Variants in JARID2 observed in about 807,000 individuals in gnomAD.
The protein encoded by JARID2 is jumonji and AT-rich interaction domain containing 2, also known as protein Jumonji.
In JARID2, 21 loss-of-function variants were observed where a neutral mutation model predicts 125.6. That is an observed-to-expected ratio of 0.17 (90% confidence interval 0.12 to 0.24). The LOEUF (loss-of-function observed/expected upper bound fraction) is 0.24, where lower values mean the gene tolerates loss of function less well. Ranked by LOEUF, JARID2 falls within the 10% of genes least tolerant of loss-of-function variation. The probability of loss-of-function intolerance (pLI) is 1.00; values close to 1 mark genes in which losing one functional copy is unlikely to be tolerated. For synonymous variants in JARID2, 736 were observed against 661.6 expected, an observed-to-expected ratio of 1.11 and a Z score of -1.73; for missense variants, 1,303 against 1,639.6, an observed-to-expected ratio of 0.79 and a Z score of 3.55.
intron 2 of JARID2, among the ~76,000 whole-genome samples, chr6:15,381,613 C>G (rs1038698897): frequency 6.6e-6 from 1 of 152,150 alleles, no homozygotes; most frequent in Admixed American, 6.5e-5. Context: ...AAGGAAGCTA[C>G]ATTTGTTGTG....
At chr6:15,438,175 A>C (rs1390932676) in intron 3 of JARID2, among the ~76,000 whole-genome samples, 3 of 152,176 alleles carry the variant, frequency 2.0e-5, no homozygotes, top group African/African-American at 7.2e-5. Context: ...AAGCCTCAGC[A>C]ACCCTTCCCA....
At chr6:15,389,924 G>A (rs1298350531) in intron 2 of JARID2, among the ~76,000 whole-genome samples, 1 of 152,192 alleles carries the variant, frequency 6.6e-6, no homozygotes, top group African/African-American at 2.4e-5. Context: ...GTGTAGTGCA[G>A]CAATTTACAG....
intron 5 of JARID2, among the ~76,000 whole-genome samples, chr6:15,469,950 G>A (rs1421285478): frequency 2.0e-5 from 3 of 151,988 alleles, no homozygotes; most frequent in Admixed American, 6.6e-5. Context: ...AGGCTGAGGT[G>A]GGCAGATCAC....
At chr6:15,335,092 T>G (rs917121283) in intron 1 of JARID2, among the ~76,000 whole-genome samples, 4 of 152,126 alleles carry the variant, frequency 2.6e-5, no homozygotes, top group African/African-American at 9.7e-5. Context: ...CCCTCTTTTT[T>G]TTTCTTTTTT....
At chr6:15,483,131 C>T (rs1340203016) in intron 5 of JARID2, among the ~76,000 whole-genome samples, 1 of 152,178 alleles carries the variant, frequency 6.6e-6, no homozygotes, top group Non-Finnish European at 1.5e-5. Flanking sequence ...CTACAAATAA[C>T]TAAGTCCGAA....
chr6:15,434,163 T>C (rs1161573531), intron 3 of JARID2, among the ~76,000 whole-genome samples: 2 of 152,030 alleles, frequency 1.3e-5, no homozygotes, highest in Admixed American at 1.3e-4. Flanking sequence ...TTTTATTTTT[T>C]AAACGAAGTT....
At chr6:15,374,334 C>A in intron 2 of JARID2, 82 bp downstream of exon 2, 1 of 1,457,528 alleles carries the variant, frequency 6.9e-7, no homozygotes, top group Non-Finnish European at 9.5e-7. Flanking sequence ...TGTATTCTGG[C>A]AGCTTGTGCT....
At chr6:15,515,034 C>T (rs1771477272) in intron 16 of JARID2, among the ~76,000 whole-genome samples, 1 of 122,356 alleles carries the variant, frequency 8.2e-6, no homozygotes, top group Admixed American at 8.8e-5. Flanking sequence ...GCTTGGTGTG[C>T]TCTCTCTCTG....
At chr6:15,394,887 GCATTGC>G (rs1254413254) in intron 2 of JARID2, among the ~76,000 whole-genome samples, 2 of 151,256 alleles carry the variant, frequency 1.3e-5, no homozygotes, top group Non-Finnish European at 2.9e-5. Flanking sequence ...CAGAACCAAA[GCATTGC>G]TAATCGGTCT....
intron 5 of JARID2, among the ~76,000 whole-genome samples, chr6:15,470,836 T>C (rs559677007): frequency 5.3e-5 from 8 of 152,342 alleles, no homozygotes; most frequent in Non-Finnish European, 1.0e-4. Flanking sequence ...GAATAATGCC[T>C]GTTTTTGGGA....
intron 1 of JARID2, among the ~76,000 whole-genome samples, chr6:15,249,720 G>A (rs1759365613): frequency 6.6e-6 from 1 of 152,146 alleles, no homozygotes; most frequent in Non-Finnish European, 1.5e-5. Context: ...TATTACCTTA[G>A]CAAAGCAGAG....
chr6:15,423,226 C>T (rs1328479776), intron 3 of JARID2, among the ~76,000 whole-genome samples: 1 of 152,060 alleles, frequency 6.6e-6, no homozygotes, highest in Non-Finnish European at 1.5e-5. Flanking sequence ...TCTCGAACTC[C>T]TGGGCTTGGT....
chr6:15,418,292 A>G (rs1766329089), intron 3 of JARID2, among the ~76,000 whole-genome samples: 1 of 139,210 alleles, frequency 7.2e-6, no homozygotes, highest in African/African-American at 2.7e-5. Flanking sequence ...ATCTCGTCTC[A>G]CTGCACCCTC....
chr6:15,247,830 A>G, intron 1 of JARID2: 4 of 985,472 alleles, frequency 4.1e-6, no homozygotes, highest in Non-Finnish European at 4.8e-6. Context: ...TCCATAAAGA[A>G]TTTAAGAATT....
At chr6:15,260,571 C>G (rs1199519427) in intron 1 of JARID2, among the ~76,000 whole-genome samples, 5 of 152,144 alleles carry the variant, frequency 3.3e-5, no homozygotes, top group Non-Finnish European at 4.4e-5. Flanking sequence ...AACACCAGCT[C>G]AATATAAACA....
chr6:15,477,357 A>G (rs1312659766), intron 5 of JARID2, among the ~76,000 whole-genome samples: 1 of 151,988 alleles, frequency 6.6e-6, no homozygotes, highest in Admixed American at 6.6e-5. Context: ...GTGGGGACAG[A>G]CACTCTGTAA....
intron 5 of JARID2, among the ~76,000 whole-genome samples, chr6:15,486,804 GAC>G: frequency 8.1e-5 from 4 of 49,158 alleles, no homozygotes; most frequent in African/African-American, 3.0e-4. Context: ...TCTGAGAATA[GAC>G]TTTTTTTTTT....
At chr6:15,510,117 G>A (rs1371016976) in intron 12 of JARID2, among the ~76,000 whole-genome samples, 1 of 152,162 alleles carries the variant, frequency 6.6e-6, no homozygotes, top group Admixed American at 6.5e-5. Flanking sequence ...GACCTGGGGG[G>A]CGGGGGCTGT....
intron 1 of JARID2, among the ~76,000 whole-genome samples, chr6:15,277,054 G>A (rs572214982): frequency 2.0e-5 from 3 of 152,260 alleles, no homozygotes; most frequent in African/African-American, 7.2e-5. Flanking sequence ...TAGTAAAAGT[G>A]CTTTGTTGAT....
Sources: allele counts gnomAD v4.1 joint callset (sites outside exome capture counted in the v4.1 genomes callset), GRCh38; gene constraint gnomAD v4.1.1; transcripts MANE v1.5; gene names NCBI Gene and HGNC (gene_info 2026-07-23, HGNC 2026-07-21).